RIN2: variants seen among roughly 807,000 people sequenced by gnomAD.
The protein encoded by RIN2 is Ras and Rab interactor 2, also known as RAB5 interacting protein 2.
Under a neutral mutation model 78.0 loss-of-function variants are expected in RIN2, and 36 were observed. That is an observed-to-expected ratio of 0.46 (90% CI 0.35 to 0.61). The LOEUF is 0.61. Ranked by LOEUF, RIN2 falls within the 20% of genes least tolerant of loss-of-function variation. RIN2 has a pLI of 0.00. For missense variants in RIN2, 1,087 were observed against 1,159.7 expected, an observed-to-expected ratio of 0.94 and a Z score of 0.91; for synonymous variants, 466 against 466.8, an observed-to-expected ratio of 1.00 and a Z score of 0.02.
At chr20:19,768,104 G>A (rs2033966126) in intron 1 of RIN2, among the ~76,000 whole-genome samples, 1 of 152,082 alleles carries the variant, frequency 6.6e-6, no homozygotes, top group Admixed American at 6.5e-5. Context: ...TGTCACGATG[G>A]AGAAAGTCTG....
At chr20:19,762,983 T>C (rs541764859) in intron 1 of RIN2, among the ~76,000 whole-genome samples, 1 of 152,190 alleles carries the variant, frequency 6.6e-6, no homozygotes, top group Admixed American at 6.5e-5. Flanking sequence ...CAGGCTGGTC[T>C]CGAACTCCTG....
rs1265925519 is a variant in RIN2 at position 19,885,790 on chromosome 20, G to C, written c.-36-3776G>C. ...AAAAAGCATATGAGGTAATGCATAT[G>C]TTAATTAGCTTCACTTAGCCATTCT... On this transcript the variant is annotated intron_variant, in intron 2 of 12. Coordinates refer to ENST00000255006, the MANE Select transcript of RIN2 (RefSeq NM_018993.4). Among the ~76,000 whole-genome samples the C allele has an allele frequency of 5.9e-5, 9 of 152,122 alleles. No individual in the cohort carries two copies. In the South Asian group the frequency reaches 1.9e-3, roughly 32 times the overall value.
intron 1 of RIN2, among the ~76,000 whole-genome samples, chr20:19,762,312 A>C (rs2033671428): frequency 6.6e-6 from 1 of 152,188 alleles, no homozygotes; most frequent in East Asian, 1.9e-4. Context: ...TAAGGAGACA[A>C]AGTGAGGAAG....
At chr20:19,808,816 G>A (rs1367888228) in intron 2 of RIN2, among the ~76,000 whole-genome samples, 1 of 152,212 alleles carries the variant, frequency 6.6e-6, no homozygotes, top group Non-Finnish European at 1.5e-5. Flanking sequence ...TAGTGCCAGC[G>A]ACCCTAGGGA....
At chr20:19,920,066 G>A (rs452282) in intron 3 of RIN2, among the ~76,000 whole-genome samples, 38,773 of 151,776 alleles carry the variant, frequency 0.26, 6,090 homozygotes, top group East Asian at 0.54. Context: ...AGGCCGAGGC[G>A]GGCAGATCAC....
rs1478261515 is a variant in RIN2, at chr20:19,946,322, CAGGT to C, written c.159-10281_159-10278del. On this transcript the variant is annotated intron_variant, in intron 4 of 12. Coordinates refer to ENST00000255006, the MANE Select transcript of RIN2 (RefSeq NM_018993.4). ...GGATGAGGATTTGAACCCAGTTTGA[CAGGT>C]AGGTAGGTAGGAGCCAGATATGGCA... is the stretch of plus-strand genomic sequence containing the variant. Among the ~76,000 whole-genome samples, 10 of 152,248 alleles carry C rather than the reference CAGGT, an allele frequency of 6.6e-5. No homozygotes were observed. The East Asian group carries it at 1.5e-3, about 24-fold the overall frequency.
chr20:19,816,571 C>T (rs539393721), intron 2 of RIN2, among the ~76,000 whole-genome samples: 3 of 152,210 alleles, frequency 2.0e-5, no homozygotes, highest in Admixed American at 2.0e-4. Flanking sequence ...TGCTAGGCCT[C>T]GGGCTTTTTA....
At chr20:19,989,272 C>CTTTTTTT (rs11455546) in intron 9 of RIN2, among the ~76,000 whole-genome samples, 2 of 109,360 alleles carry the variant, frequency 1.8e-5, no homozygotes. Context: ...AGAAAACATT[C>CTTTTTTT]TTTTTTTTTT....
At chr20:19,942,232 C>G (rs1353343875) in intron 4 of RIN2, among the ~76,000 whole-genome samples, 1 of 151,986 alleles carries the variant, frequency 6.6e-6, no homozygotes, top group Non-Finnish European at 1.5e-5. Context: ...AAGTGAGTAT[C>G]ATGTAACGAA....
chr20:19,791,095 T>C lies in RIN2; in HGVS notation c.-162-8527T>C, dbSNP rs1452727995. Among the ~76,000 whole-genome samples the C allele has an allele frequency of 2.0e-5, 3 of 152,330 alleles. No individual in the cohort carries two copies. The East Asian group carries it at 5.8e-4, about 29-fold the overall frequency. ...ATGGCCCACAAAGAAAAACAGGACTTCATGTGTGTTCCTGTAATGTATAGC... is the reference window on the plus strand; with the variant it reads ...ATGGCCCACAAAGAAAAACAGGACTCCATGTGTGTTCCTGTAATGTATAGC... On this transcript the variant is annotated intron_variant, in intron 1 of 12. Coordinates refer to ENST00000255006, the MANE Select transcript of RIN2 (RefSeq NM_018993.4).
intron 2 of RIN2, among the ~76,000 whole-genome samples, chr20:19,848,652 A>G (rs1291686937): frequency 1.0e-5 from 1 of 98,492 alleles, no homozygotes; most frequent in East Asian, 4.1e-4. Context: ...TCCCGGTTTA[A>G]GAATGAAACA....
At chr20:19,943,946 A>ATTTCTATAATATT (rs2040981601) in intron 4 of RIN2, among the ~76,000 whole-genome samples, 1 of 148,978 alleles carries the variant, frequency 6.7e-6, no homozygotes, top group Non-Finnish European at 1.5e-5. Context: ...AGAATATTAC[A>ATTTCTATAATATT]GAGACATGTT....
intron 7 of RIN2, among the ~76,000 whole-genome samples, chr20:19,967,894 T>C (rs429205): frequency 0.091 from 13,863 of 152,180 alleles, 2,085 homozygotes; most frequent in African/African-American, 0.31. Context: ...TTCTAATCCT[T>C]ATGGCAACCC....
intron 1 of RIN2, among the ~76,000 whole-genome samples, chr20:19,794,500 C>A (rs1445866501): frequency 7.0e-6 from 1 of 142,312 alleles, no homozygotes. Flanking sequence ...CCACTGCACT[C>A]CAGCCTAAGC....
At chr20:19,934,252 T>C (rs1344967940) in intron 3 of RIN2, among the ~76,000 whole-genome samples, 2 of 150,000 alleles carry the variant, frequency 1.3e-5, no homozygotes, top group South Asian at 2.1e-4. Context: ...TACCTGTTAA[T>C]GTAAATAACG....
chr20:19,833,283 T>TA (rs1568794573), intron 2 of RIN2, among the ~76,000 whole-genome samples: 1 of 150,932 alleles, frequency 6.6e-6, no homozygotes, highest in African/African-American at 2.5e-5. Flanking sequence ...TAGATATAGG[T>TA]TATATATATA....
chr20:19,982,434 T>C (rs933002730), intron 9 of RIN2, among the ~76,000 whole-genome samples: 1 of 152,130 alleles, frequency 6.6e-6, no homozygotes, highest in Non-Finnish European at 1.5e-5. Flanking sequence ...ATGGCGGCCC[T>C]GGTGTCATAT....
At chr20:19,809,769 C>T (rs1245856922) in intron 2 of RIN2, 1 of 152,134 alleles carries the variant, frequency 6.6e-6, no homozygotes, top group African/African-American at 2.4e-5. Flanking sequence ...GAGGAGGACG[C>T]CTACTGCCTG....
intron 9 of RIN2, among the ~76,000 whole-genome samples, chr20:19,978,795 C>T (rs2042361039): frequency 6.6e-6 from 1 of 152,228 alleles, no homozygotes; most frequent in South Asian, 2.1e-4. Context: ...AGAGAGCCAT[C>T]ACCTACTCTC....
Sources: allele counts gnomAD v4.1 joint callset (sites outside exome capture counted in the v4.1 genomes callset), GRCh38; gene constraint gnomAD v4.1.1; transcripts MANE v1.5; gene names NCBI Gene and HGNC (gene_info 2026-07-23, HGNC 2026-07-21).